The following KATNAL2 variants were observed in gnomAD, a reference collection of about 807,000 sequenced individuals.
KATNAL2 encodes the protein katanin p60 ATPase-containing subunit A-like 2.
A neutral mutation model predicts 76.3 loss-of-function variants in KATNAL2; 52 were observed. That is an observed-to-expected ratio of 0.68 (90% confidence interval 0.55 to 0.86). The LOEUF is 0.86. Ranked by LOEUF, KATNAL2 falls within the 40% of genes least tolerant of loss-of-function variation. The pLI is 0.00. For missense variants in KATNAL2, 660 were observed against 668.9 expected (o/e 0.99, Z 0.15); for synonymous variants, 243 against 244.2 (o/e 1.00, Z 0.05).
chr18:46,946,799 G>T lies in KATNAL2; in HGVS notation c.-19-55G>T, dbSNP rs2059392324. ...AAGGGGCGGGCTGGTTAAGCGTCAG[G>T]TTCCTTGGATCGACCGGTCAGCCCA... On this transcript the variant is annotated intron_variant, in intron 2 of 17. Transcript: ENST00000683218. 41 of 1,450,440 alleles carry T rather than the reference G, an allele frequency of 2.8e-5. No homozygotes were observed. The South Asian group carries it at 4.7e-4, about 17-fold the overall frequency. The allele number at this position is 1,450,440 out of a possible 1,614,324, so 89.8% of individuals were successfully genotyped here.
chr18:46,927,055 C>G (rs2058750599), intron 1 of KATNAL2, among the ~76,000 whole-genome samples: 1 of 152,116 alleles, frequency 6.6e-6, no homozygotes, highest in African/African-American at 2.4e-5. Context: ...CAGTCTGTGT[C>G]TTTTAATTGG....
At chr18:47,033,906 C>T (rs770220168) in intron 3 of KATNAL2, 11 of 1,613,202 alleles carry the variant, frequency 6.8e-6, no homozygotes, top group Middle Eastern at 3.8e-4. Context: ...GGCTGGGCAC[C>T]GTTTTCGGCC....
At chr18:47,096,939 A>C (rs2063269483) in intron 15 of KATNAL2, among the ~76,000 whole-genome samples, 1 of 152,010 alleles carries the variant, frequency 6.6e-6, no homozygotes, top group Admixed American at 6.6e-5. Context: ...GTAGTTCAAG[A>C]CCAGCATGGT....
intron 3 of KATNAL2, among the ~76,000 whole-genome samples, chr18:47,045,548 C>T (rs2061131442): frequency 6.6e-6 from 1 of 152,102 alleles, no homozygotes; most frequent in South Asian, 2.1e-4. Context: ...GTCTCAAACT[C>T]CTGACCTCAA....
chr18:47,031,390 C>T (rs1046149065), intron 3 of KATNAL2, among the ~76,000 whole-genome samples: 1 of 151,378 alleles, frequency 6.6e-6, no homozygotes, highest in African/African-American at 2.4e-5. Flanking sequence ...TTTTTAATTT[C>T]TCGTGTGACT....
At chr18:47,097,118 CAAAAAAAAAA>C (rs58101085) in intron 15 of KATNAL2, among the ~76,000 whole-genome samples, 1 of 70,908 alleles carries the variant, frequency 1.4e-5, no homozygotes, top group African/African-American at 4.4e-5. Flanking sequence ...GACCCTGGCT[CAAAAAAAAAA>C]AAAAAAAAAA....
chr18:47,035,722 G>A (rs764265520), intron 3 of KATNAL2: 6 of 223,160 alleles, frequency 2.7e-5, no homozygotes, highest in Non-Finnish European at 4.8e-5. Context: ...CCCAGAGGTT[G>A]ATTAGGTTAA....
At chr18:47,057,003 A>T in intron 6 of KATNAL2, among the ~76,000 whole-genome samples, 1 of 151,908 alleles carries the variant, frequency 6.6e-6, no homozygotes, top group East Asian at 1.9e-4. Context: ...GAAAAAAAAA[A>T]CCCCAAGAAC....
intron 1 of KATNAL2, among the ~76,000 whole-genome samples, chr18:46,918,962 G>A (rs1228157197): frequency 1.3e-5 from 2 of 151,478 alleles, no homozygotes; most frequent in Non-Finnish European, 2.9e-5. Context: ...AGGTATTTGT[G>A]TAATTGTTTA....
chr18:47,042,710 GA>G (rs767308652), intron 3 of KATNAL2, among the ~76,000 whole-genome samples: 2 of 152,026 alleles, frequency 1.3e-5, no homozygotes, highest in East Asian at 1.9e-4. Context: ...AACACTGTGG[GA>G]AAAAAAGTCT....
chr18:47,032,349 C>G (rs1021234943), intron 3 of KATNAL2, among the ~76,000 whole-genome samples: 3 of 152,208 alleles, frequency 2.0e-5, no homozygotes, highest in African/African-American at 7.2e-5. Context: ...CCAGCTCAGG[C>G]AATCCTGCCA....
At chr18:46,956,894 T>A (rs2059764522) in intron 3 of KATNAL2, among the ~76,000 whole-genome samples, 1 of 151,718 alleles carries the variant, frequency 6.6e-6, no homozygotes, top group Non-Finnish European at 1.5e-5. Flanking sequence ...AATACAAAAA[T>A]TAGCCAGGCG....
chr18:46,960,978 C>T (rs1187744113), intron 3 of KATNAL2, among the ~76,000 whole-genome samples: 2 of 152,164 alleles, frequency 1.3e-5, no homozygotes, highest in Admixed American at 6.5e-5. Flanking sequence ...CTTTTAAGGG[C>T]TTACAACACT....
intron 8 of KATNAL2, among the ~76,000 whole-genome samples, chr18:47,062,651 T>C (rs1004431020): frequency 6.6e-5 from 10 of 152,172 alleles, no homozygotes; most frequent in African/African-American, 2.2e-4. Context: ...GCATGTGTAA[T>C]ATTTTAAGAG....
chr18:47,052,928 A>G lies in KATNAL2; in HGVS notation c.171A>G (p.Leu57=), dbSNP rs752273865. The change falls in exon 5 of 18, where the codon TTA becomes TTG. Residue 57 remains leucine, a synonymous_variant. Coordinates refer to ENST00000683218, the MANE Select transcript of KATNAL2 (RefSeq NM_001387690.1). ...TGGAGCAAGAAACTAAACTGGGGTT[A>G]CGACGGTTTGAAGTTTGTGACAACA... is the stretch of plus-strand genomic sequence containing the variant. ...NALEQETKLG[L]RRFEVCDNID... 1 of 1,612,672 alleles carries G rather than the reference A, an allele frequency of 6.2e-7. No individual in the cohort carries two copies. The highest frequency in any genetic ancestry group is 8.5e-7 in the Non-Finnish European group (1 of 1,179,434).
chr18:46,924,989 T>G (rs1488883387), intron 1 of KATNAL2, among the ~76,000 whole-genome samples: 1 of 152,174 alleles, frequency 6.6e-6, no homozygotes, highest in African/African-American at 2.4e-5. Context: ...TGGGCTGAGA[T>G]GATGGGGTTT....
intron 13 of KATNAL2, among the ~76,000 whole-genome samples, chr18:47,070,099 T>TTC (rs1477979035): frequency 6.9e-6 from 1 of 145,728 alleles, no homozygotes; most frequent in Non-Finnish European, 1.5e-5. Flanking sequence ...TTTGCTTTCT[T>TTC]TTTTTTTTTT....
intron 15 of KATNAL2, among the ~76,000 whole-genome samples, chr18:47,079,183 C>T (rs1445972191): frequency 1.3e-5 from 2 of 152,138 alleles, no homozygotes; most frequent in East Asian, 3.9e-4. Context: ...CTCAAATGTA[C>T]ATGTTGAAGA....
intron 1 of KATNAL2, among the ~76,000 whole-genome samples, chr18:46,926,578 A>G (rs2146519529): frequency 6.6e-6 from 1 of 152,160 alleles, no homozygotes; most frequent in Middle Eastern, 3.4e-3. Flanking sequence ...TGAGGTGGAG[A>G]GTTCTGTAGA....
Sources: gnomAD v4.1 joint callset for allele counts (sites outside exome capture counted in the v4.1 genomes callset) on GRCh38, gnomAD v4.1.1 for gene constraint, MANE v1.5 for transcripts, NCBI Gene and HGNC (gene_info 2026-07-23, HGNC 2026-07-21) for gene names.